Variants in LIN9 observed in about 807,000 individuals in gnomAD.
The protein encoded by LIN9 is protein lin-9 homolog.
Under a neutral mutation model 78.0 loss-of-function variants are expected in LIN9, and 18 were observed. The ratio of observed to expected loss-of-function variants is 0.23; its 90% CI spans 0.16 to 0.34. The LOEUF (loss-of-function observed/expected upper bound fraction) is 0.34. LIN9 is among the 10% of genes least tolerant of loss of function. The pLI, the probability that LIN9 is intolerant of heterozygous loss-of-function variation, is 1.00. For missense variants in LIN9, 451 were observed against 644.1 expected, an observed-to-expected ratio of 0.70 and a Z score of 3.25; for synonymous variants, 192 against 215.2, an observed-to-expected ratio of 0.89 and a Z score of 0.94.
chr1:226,266,588 A>C (rs1316169960), intron 8 of LIN9, among the ~76,000 whole-genome samples: 10 of 149,388 alleles, frequency 6.7e-5, no homozygotes, highest in Admixed American at 6.7e-4. Flanking sequence ...AGAAATAAAA[A>C]AAAAGGGGGG....
intron 6 of LIN9, 41 bp from the exon 7 acceptor site, chr1:226,277,973 C>A: frequency 1.3e-6 from 2 of 1,484,034 alleles, no homozygotes; most frequent in Admixed American, 2.1e-5. Context: ...GATAACTACC[C>A]CATATAAAAA....
chr1:226,256,853 G>A (rs1659232185), intron 10 of LIN9, among the ~76,000 whole-genome samples: 1 of 151,766 alleles, frequency 6.6e-6, no homozygotes, highest in Non-Finnish European at 1.5e-5. Context: ...CACCGCACCC[G>A]GCCAATAAAA....
At chr1:226,260,759 C>T (rs376724204) in intron 10 of LIN9, among the ~76,000 whole-genome samples, 1 of 149,242 alleles carries the variant, frequency 6.7e-6, no homozygotes, top group South Asian at 2.1e-4. Context: ...AGTCTCCTGT[C>T]TCAGCCTCCC....
At chr1:226,307,961 T>C (rs1417915359) in intron 1 of LIN9, among the ~76,000 whole-genome samples, 1 of 152,182 alleles carries the variant, frequency 6.6e-6, no homozygotes, top group African/African-American at 2.4e-5. Context: ...TTAATACGAC[T>C]TTTCACCAGC....
In LIN9 at chr1:226,298,255, CT is replaced by C. The variant is rs534377029; in HGVS notation, c.65-443del. Among the ~76,000 whole-genome samples the C allele has an allele frequency of 6.2e-4, 95 of 152,350 alleles. 2 individuals are homozygous for C. The South Asian group carries it at 0.019, about 31-fold the overall frequency. ...CAGAGTACTTGCTCCATCGCCCAGG[CT>C]GGAGTGCAGTGGCACAATCTTGGCT... On this transcript the variant is annotated intron_variant, in intron 2 of 14. Coordinates refer to ENST00000681046, the MANE Select transcript of LIN9 (RefSeq NM_001366245.2).
intron 6 of LIN9, among the ~76,000 whole-genome samples, chr1:226,280,185 T>C (rs1297640134): frequency 1.3e-5 from 2 of 152,346 alleles, no homozygotes; most frequent in East Asian, 1.9e-4. Context: ...ATCACTTTCA[T>C]GCCATGTTAT....
At chr1:226,289,834 C>CA (rs1661614191) in intron 4 of LIN9, among the ~76,000 whole-genome samples, 2 of 12,080 alleles carry the variant, frequency 1.7e-4, no homozygotes, top group Non-Finnish European at 2.9e-4. Context: ...AGTAGTCCTC[C>CA]GGGGGGGGGG....
At position 226,231,833 on chromosome 1, in the gene LIN9, C is replaced by A; in HGVS notation, c.*668G>T. ...ATTTTGCACCTTTTTTCCCCCTGTT[C>A]CTTCATTTTCTTTCAACAAACAACA... On this transcript the variant is annotated 3_prime_UTR_variant, in exon 15 of 15. Transcript: ENST00000681046. The A allele has an allele frequency of 4.2e-6, 1 of 240,770 alleles. No individual in the cohort carries two copies. The highest frequency in any genetic ancestry group is 7.8e-6 in the Non-Finnish European group (1 of 128,456). The allele number at this position is 240,770 out of a possible 1,614,324, so 14.9% of individuals were successfully genotyped here.
chr1:226,301,340 C>A, intron 1 of LIN9, 135 bp from the exon 2 acceptor site: 1 of 592,368 alleles, frequency 1.7e-6, no homozygotes, highest in Non-Finnish European at 3.0e-6. Context: ...ATGTGCAATT[C>A]GAAATATCTG....
intron 7 of LIN9, among the ~76,000 whole-genome samples, chr1:226,275,947 G>A (rs1437227461): frequency 1.3e-5 from 2 of 151,928 alleles, no homozygotes; most frequent in African/African-American, 4.8e-5. Context: ...AGAATTGCTT[G>A]AACCCTGGAG....
intron 10 of LIN9, among the ~76,000 whole-genome samples, chr1:226,259,354 T>C (rs527787361): frequency 1.3e-5 from 2 of 152,160 alleles, no homozygotes; most frequent in Non-Finnish European, 2.9e-5. Context: ...ACCATTATAG[T>C]TGGAGATTTT....
intron 2 of LIN9, among the ~76,000 whole-genome samples, chr1:226,298,425 C>T (rs1468328019): frequency 6.6e-6 from 1 of 152,108 alleles, no homozygotes; most frequent in African/African-American, 2.4e-5. Flanking sequence ...CCAGGCTGGT[C>T]TCAAACTCCT....
rs986722618 is a variant in LIN9, at chr1:226,265,753, A to C, written c.937-119T>G. 2 of 550,424 alleles carry C rather than the reference A, an allele frequency of 3.6e-6. No homozygotes were observed. Among genetic ancestry groups the C allele is most frequent in the Non-Finnish European group, 6.4e-6 (2 of 314,280 alleles). The allele number at this position is 550,424 out of a possible 1,614,324, so 34.1% of individuals were successfully genotyped here. A position where few individuals can be genotyped will look rare whatever the true frequency, so the allele number is the denominator to read the frequency against. On this transcript the variant is annotated intron_variant, in intron 9 of 14. Coordinates refer to ENST00000681046, the MANE Select transcript of LIN9 (RefSeq NM_001366245.2). The surrounding 1 kb of genome is among the most constrained non-coding windows in gnomAD (Gnocchi z 4.1). ...CTGTTGCCACTTGTGATCTCGGCTC[A>C]CTGCAATCTCTGACTCCTGGGTTCA...
intron 7 of LIN9, among the ~76,000 whole-genome samples, chr1:226,277,034 T>C (rs1660708433): frequency 6.6e-6 from 1 of 151,626 alleles, no homozygotes; most frequent in Non-Finnish European, 1.5e-5. Context: ...AAGGAAAATA[T>C]AGAATAATTA....
intron 11 of LIN9, among the ~76,000 whole-genome samples, chr1:226,245,431 C>T (rs116056743): frequency 2.2e-4 from 33 of 150,714 alleles, no homozygotes; most frequent in South Asian, 8.5e-4. Flanking sequence ...TCTTTTTTCC[C>T]CCCCCCCAAG....
intron 11 of LIN9, among the ~76,000 whole-genome samples, chr1:226,241,857 C>CAA (rs371331787): frequency 8.7e-6 from 1 of 114,742 alleles, no homozygotes; most frequent in East Asian, 2.4e-4. Context: ...GACTCTGTTT[C>CAA]AAAAAAAAAA....
chr1:226,250,287 C>A (rs961595595), intron 11 of LIN9, among the ~76,000 whole-genome samples: 1 of 151,802 alleles, frequency 6.6e-6, no homozygotes, highest in Non-Finnish European at 1.5e-5. Context: ...CTAAAGATGA[C>A]AACATAGATA....
intron 7 of LIN9, among the ~76,000 whole-genome samples, chr1:226,275,859 T>C (rs1250088942): frequency 6.6e-6 from 1 of 152,070 alleles, no homozygotes; most frequent in Non-Finnish European, 1.5e-5. Flanking sequence ...ATCTCATCTC[T>C]ACTAAAAAAA....
chr1:226,256,349 C>A (rs1286059596), intron 10 of LIN9, among the ~76,000 whole-genome samples: 1 of 151,726 alleles, frequency 6.6e-6, no homozygotes, highest in Admixed American at 6.6e-5. Flanking sequence ...AAATATCTTG[C>A]GTTGAGAAAA....
Sources: gnomAD v4.1 joint callset for allele counts (sites outside exome capture counted in the v4.1 genomes callset) on GRCh38, gnomAD v4.1.1 for gene constraint, Gnocchi (gnomAD v3.1) non-coding constraint, MANE v1.5 for transcripts, NCBI Gene and HGNC (gene_info 2026-07-23, HGNC 2026-07-21) for gene names.